NARS2: variants seen among roughly 807,000 people sequenced by gnomAD.
NARS2 encodes asparaginyl-tRNA synthetase.
Under a neutral mutation model 62.9 loss-of-function variants are expected in NARS2, and 60 were observed. That is an observed-to-expected ratio of 0.95 (90% CI 0.77 to 1.18). NARS2 has a LOEUF of 1.18. Ranked by LOEUF, NARS2 falls within the 50% of genes most tolerant of loss-of-function variation. The probability of loss-of-function intolerance (pLI) is 0.00; values close to 1 mark genes in which losing one functional copy is unlikely to be tolerated. For synonymous variants in NARS2, 196 were observed against 200.0 expected (o/e 0.98, Z 0.17); for missense variants, 619 against 576.4 (o/e 1.07, Z -0.76).
chr11:78,508,309 AAG>A (rs2135379763), intron 6 of NARS2, among the ~76,000 whole-genome samples: 1 of 152,286 alleles, frequency 6.6e-6, no homozygotes, highest in East Asian at 1.9e-4. Context: ...GAAAAAGGCA[AAG>A]AGAGTATCTG....
chr11:78,457,875 T>G (rs940512667), intron 11 of NARS2, among the ~76,000 whole-genome samples: 3 of 151,872 alleles, frequency 2.0e-5, no homozygotes, highest in Non-Finnish European at 1.5e-5. Context: ...TTATCAAAAT[T>G]TAAAGTCAGG....
chr11:78,479,268 T>C (rs1859244623), intron 7 of NARS2, among the ~76,000 whole-genome samples: 1 of 152,134 alleles, frequency 6.6e-6, no homozygotes, highest in African/African-American at 2.4e-5. Flanking sequence ...TAAAACAGCA[T>C]ACAGCAAAAA....
intron 11 of NARS2, among the ~76,000 whole-genome samples, chr11:78,460,734 T>A (rs1334027613): frequency 6.6e-6 from 1 of 152,196 alleles, no homozygotes; most frequent in African/African-American, 2.4e-5. Context: ...CAGTTTTGGA[T>A]GTGTTGTGTT....
At chr11:78,467,469 T>G (rs946675489) in intron 10 of NARS2, among the ~76,000 whole-genome samples, 1 of 151,690 alleles carries the variant, frequency 6.6e-6, no homozygotes, top group South Asian at 2.1e-4. Context: ...GCCTGGGAGG[T>G]GGAATCTGCA....
intron 11 of NARS2, among the ~76,000 whole-genome samples, chr11:78,446,364 T>C (rs1409177720): frequency 6.6e-6 from 1 of 152,226 alleles, no homozygotes; most frequent in African/African-American, 2.4e-5. Flanking sequence ...CAAGAACAGC[T>C]ACACAATTAA....
In NARS2 at chr11:78,574,717, G is replaced by A; in HGVS notation, c.-229C>T. ...CGGGGCGGAATGGACAGGACACTAG[G>A]CAAACGCCAGAAAGAAACCACGTGC... On this transcript the variant is annotated 5_prime_UTR_variant, in exon 1 of 14. Transcript: ENST00000281038. The A allele has an allele frequency of 2.0e-6, 1 of 511,394 alleles. No homozygotes were observed. The highest frequency in any genetic ancestry group is 3.4e-6 in the Non-Finnish European group (1 of 291,884). 31.7% of individuals were successfully genotyped at this position (511,394 alleles called of 1,614,324 possible). A position where few individuals can be genotyped will look rare whatever the true frequency, so the allele number is the denominator to read the frequency against.
intron 10 of NARS2, among the ~76,000 whole-genome samples, chr11:78,468,693 C>T (rs140752191): frequency 0.01 from 1,531 of 152,072 alleles, 23 homozygotes; most frequent in African/African-American, 0.035. Flanking sequence ...TGTGAGCCAC[C>T]GCACCCAGCC....
chr11:78,557,184 T>C (rs146577711), intron 5 of NARS2, among the ~76,000 whole-genome samples: 4 of 152,280 alleles, frequency 2.6e-5, no homozygotes, highest in African/African-American at 9.6e-5. Flanking sequence ...TCTTACTGTG[T>C]TTTTTCAAGG....
chr11:78,503,075 TAA>T (rs1483715014), intron 6 of NARS2, among the ~76,000 whole-genome samples: 8 of 151,594 alleles, frequency 5.3e-5, no homozygotes, highest in South Asian at 2.1e-4. Flanking sequence ...TGCTACCCTA[TAA>T]GAGAGGTGAT....
At chr11:78,441,451 C>A (rs540278238) in intron 12 of NARS2, among the ~76,000 whole-genome samples, 1 of 152,306 alleles carries the variant, frequency 6.6e-6, no homozygotes, top group East Asian at 1.9e-4. Flanking sequence ...GCGGCTCCTG[C>A]CTGTAATCCC....
chr11:78,573,284 C>G (rs759882136), intron 1 of NARS2: 1 of 152,248 alleles, frequency 6.6e-6, no homozygotes, highest in Non-Finnish European at 1.5e-5. Context: ...TGCCTGTAAT[C>G]CCAGCATTTT....
chr11:78,573,285 C>T (rs1052505559), intron 1 of NARS2: 1 of 152,168 alleles, frequency 6.6e-6, no homozygotes, highest in African/African-American at 2.4e-5. Flanking sequence ...GCCTGTAATC[C>T]CAGCATTTTG....
chr11:78,471,530 CTTTT>C (rs931115290), intron 9 of NARS2, among the ~76,000 whole-genome samples: 1 of 147,964 alleles, frequency 6.8e-6, no homozygotes, highest in African/African-American at 2.5e-5. Flanking sequence ...CTTTTTTTTT[CTTTT>C]TTTTCTTTTA....
intron 9 of NARS2, among the ~76,000 whole-genome samples, chr11:78,470,077 G>C (rs769537144): frequency 2.0e-5 from 3 of 152,162 alleles, no homozygotes; most frequent in African/African-American, 7.2e-5. Context: ...AGCGTGACTA[G>C]AGCATACTGA....
In NARS2 at chr11:78,566,265, G is replaced by C. The variant is rs1341703451; in HGVS notation, c.380C>G (p.Pro127Arg). 2 of 1,576,880 alleles carry C rather than the reference G, an allele frequency of 1.3e-6. No homozygotes were observed. The highest frequency in any genetic ancestry group is 1.7e-6 in the Non-Finnish European group (2 of 1,161,938). The change falls in exon 4 of 14, where the codon CCC (proline) becomes CGC (arginine). Residue 127 changes from proline (P) to arginine (R), a missense_variant. By Grantham distance (103) the Pro-to-Arg change is moderately radical. Coordinates refer to ENST00000281038, the MANE Select transcript of NARS2 (RefSeq NM_024678.6). Reference sequence around the variant, plus strand: ...AGGATGCCTCTCTTTATATTTGATGGGGAAATCCTGCCAATAAATGAAAAG... The same window carrying C: ...AGGATGCCTCTCTTTATATTTGATGCGGAAATCCTGCCAATAAATGAAAAG... ...VIGNCDAKDFPIKYKERHPLE... is the reference protein window; with the variant it reads ...VIGNCDAKDFRIKYKERHPLE...
chr11:78,478,704 T>A, intron 7 of NARS2, 21 bp from the exon 8 acceptor site: 2 of 1,499,436 alleles, frequency 1.3e-6, no homozygotes, highest in Non-Finnish European at 1.8e-6. Context: ...TGAAATAGAA[T>A]CACCTGACAC....
At chr11:78,565,766 A>G (rs1856722185) in intron 4 of NARS2, among the ~76,000 whole-genome samples, 1 of 151,888 alleles carries the variant, frequency 6.6e-6, no homozygotes, top group Non-Finnish European at 1.5e-5. Context: ...AACTAGAAAA[A>G]CTCATCATTC....
At chr11:78,544,201 G>T (rs1281922853) in intron 5 of NARS2, among the ~76,000 whole-genome samples, 1 of 151,954 alleles carries the variant, frequency 6.6e-6, no homozygotes, top group Admixed American at 6.6e-5. Context: ...CAGCCAGAAT[G>T]ATCTCATTAA....
intron 6 of NARS2, among the ~76,000 whole-genome samples, chr11:78,502,718 C>T (rs1480257387): frequency 9.2e-5 from 14 of 152,120 alleles, no homozygotes; most frequent in African/African-American, 2.7e-4. Context: ...AGGCCAGGCG[C>T]GGCGCCTCAC....
Sources: allele counts gnomAD v4.1 joint callset (sites outside exome capture counted in the v4.1 genomes callset), GRCh38; gene constraint gnomAD v4.1.1; transcripts MANE v1.5; gene names NCBI Gene and HGNC (gene_info 2026-07-23, HGNC 2026-07-21).